The following ANKS1B variants were observed in gnomAD, a reference collection of about 807,000 sequenced individuals.
ANKS1B encodes the protein ankyrin repeat and sterile alpha motif domain-containing protein 1B.
Under a neutral mutation model 148.3 loss-of-function variants are expected in ANKS1B, and 36 were observed. The ratio of observed to expected loss-of-function variants is 0.24; its 90% CI spans 0.19 to 0.32. The LOEUF is 0.32. Ranked by LOEUF, ANKS1B falls within the 10% of genes least tolerant of loss-of-function variation. The pLI, the probability that ANKS1B is intolerant of heterozygous loss-of-function variation, is 1.00. For synonymous variants in ANKS1B, 542 were observed against 560.8 expected, an observed-to-expected ratio of 0.97 and a Z score of 0.47; for missense variants, 1,157 against 1,542.6, an observed-to-expected ratio of 0.75 and a Z score of 4.19.
At chr12:99,027,743 G>A (rs933055558) in intron 17 of ANKS1B, among the ~76,000 whole-genome samples, 4 of 152,306 alleles carry the variant, frequency 2.6e-5, no homozygotes, top group Admixed American at 6.5e-5. Flanking sequence ...TTGCATTGAC[G>A]TTGGGCAATT....
At chr12:99,350,238 T>C (rs1374910216) in intron 12 of ANKS1B, among the ~76,000 whole-genome samples, 38 of 152,136 alleles carry the variant, frequency 2.5e-4, no homozygotes. Flanking sequence ...ACTGCCATGA[T>C]TGTAACTTTC....
rs1370123293 is a variant in ANKS1B at position 99,020,843 on chromosome 12, C to T, written c.2778+32314G>A. ...ATCTGAATTTTGGAGATTGGAAAAA[C>T]AATCTCCAAAATATAAAGAATGCAG... On this transcript the variant is annotated intron_variant, in intron 17 of 26. Transcript: ENST00000683438. 2.6e-5 allele frequency among the ~76,000 whole-genome samples: 4 copies of T among 151,956 alleles called. No homozygotes were observed. The East Asian group carries it at 7.7e-4, about 29-fold the overall frequency.
At chr12:99,251,449 G>A (rs1231598462) in intron 12 of ANKS1B, among the ~76,000 whole-genome samples, 4 of 152,054 alleles carry the variant, frequency 2.6e-5, no homozygotes, top group Non-Finnish European at 5.9e-5. Context: ...CAGACAAAAC[G>A]GAGGAAAATA....
intron 12 of ANKS1B, among the ~76,000 whole-genome samples, chr12:99,275,421 A>C (rs1457943757): frequency 3.3e-5 from 5 of 152,210 alleles, no homozygotes; most frequent in Non-Finnish European, 7.3e-5. Flanking sequence ...TTAGCTCTAC[A>C]AATAAGTGAG....
At chr12:99,119,653 A>C (rs2062251232) in intron 15 of ANKS1B, among the ~76,000 whole-genome samples, 1 of 152,186 alleles carries the variant, frequency 6.6e-6, no homozygotes, top group Non-Finnish European at 1.5e-5. Context: ...ATTTTTGCAG[A>C]ATCCCTTCCA....
chr12:99,320,363 C>T (rs2085015440), intron 12 of ANKS1B, among the ~76,000 whole-genome samples: 1 of 152,140 alleles, frequency 6.6e-6, no homozygotes, highest in Non-Finnish European at 1.5e-5. Context: ...TCACATAGTC[C>T]CATACTTTTT....
intron 12 of ANKS1B, among the ~76,000 whole-genome samples, chr12:99,347,912 A>C (rs1213975967): frequency 6.6e-6 from 1 of 152,048 alleles, no homozygotes; most frequent in Non-Finnish European, 1.5e-5. Context: ...GATTAAATCA[A>C]CTGTCTTAAA....
chr12:99,766,203 A>G (rs1406660507), intron 8 of ANKS1B, among the ~76,000 whole-genome samples: 1 of 152,152 alleles, frequency 6.6e-6, no homozygotes, highest in Admixed American at 6.5e-5. Flanking sequence ...CTGAGAGACC[A>G]CTACATTCAA....
intron 15 of ANKS1B, among the ~76,000 whole-genome samples, chr12:99,140,326 C>A (rs1377712069): frequency 6.6e-6 from 1 of 152,130 alleles, no homozygotes; most frequent in African/African-American, 2.4e-5. Context: ...TTCCAAAGTC[C>A]TTTAAAGTTA....
At chr12:99,518,742 T>C (rs1257762150) in intron 9 of ANKS1B, among the ~76,000 whole-genome samples, 1 of 152,132 alleles carries the variant, frequency 6.6e-6, no homozygotes, top group African/African-American at 2.4e-5. Context: ...TCTGCTTTGA[T>C]TTTTAATATT....
chr12:99,568,975 G>A (rs74821953), intron 9 of ANKS1B, among the ~76,000 whole-genome samples: 8,452 of 152,212 alleles, frequency 0.056, 321 homozygotes, highest in East Asian at 0.2. Flanking sequence ...CTTCTCCAAA[G>A]TACTGCAAAT....
intron 8 of ANKS1B, among the ~76,000 whole-genome samples, chr12:99,753,421 G>A (rs962478673): frequency 6.6e-6 from 1 of 152,130 alleles, no homozygotes; most frequent in Non-Finnish European, 1.5e-5. Flanking sequence ...AGAATCGGAA[G>A]ATCTTGACAT....
chr12:99,731,286 T>A (rs1439737012), intron 8 of ANKS1B, among the ~76,000 whole-genome samples: 2 of 152,072 alleles, frequency 1.3e-5, no homozygotes, highest in Non-Finnish European at 2.9e-5. Context: ...ACCCAGATAA[T>A]TTTTGTATTT....
intron 12 of ANKS1B, among the ~76,000 whole-genome samples, chr12:99,325,529 G>A (rs1223357861): frequency 1.3e-5 from 2 of 151,994 alleles, no homozygotes; most frequent in Non-Finnish European, 2.9e-5. Flanking sequence ...GAGGGTCAAC[G>A]ATTAACAGCA....
intron 8 of ANKS1B, among the ~76,000 whole-genome samples, chr12:99,726,067 C>T (rs1402941667): frequency 1.3e-5 from 2 of 152,070 alleles, no homozygotes; most frequent in Admixed American, 1.3e-4. Context: ...CCTAACCTCA[C>T]AATTAAAAGA....
At chr12:99,644,634 T>C (rs1241704635) in intron 9 of ANKS1B, among the ~76,000 whole-genome samples, 1 of 152,188 alleles carries the variant, frequency 6.6e-6, no homozygotes, top group Non-Finnish European at 1.5e-5. Flanking sequence ...TATGCACCTG[T>C]TACAGCAGCA....
chr12:99,253,622 A>C (rs2074915318), intron 12 of ANKS1B, among the ~76,000 whole-genome samples: 1 of 152,218 alleles, frequency 6.6e-6, no homozygotes, highest in South Asian at 2.1e-4. Context: ...ATTATAACCC[A>C]CTGAATAAAA....
chr12:99,452,132 T>C (rs2095752251), intron 10 of ANKS1B, among the ~76,000 whole-genome samples: 1 of 152,136 alleles, frequency 6.6e-6, no homozygotes, highest in African/African-American at 2.4e-5. Context: ...ATCTTTGTTG[T>C]AACTACTCTA....
chr12:98,738,172 G>T (rs2097782595), intron 9 of ANKS1B, among the ~76,000 whole-genome samples: 1 of 152,230 alleles, frequency 6.6e-6, no homozygotes, highest in Non-Finnish European at 1.5e-5. Context: ...ACAATGACTT[G>T]CTCCTGAGTC....
Sources: gnomAD v4.1 joint callset for allele counts (sites outside exome capture counted in the v4.1 genomes callset) on GRCh38, gnomAD v4.1.1 for gene constraint, MANE v1.5 for transcripts, NCBI Gene and HGNC (gene_info 2026-07-23, HGNC 2026-07-21) for gene names.